MAGI2: variants seen among roughly 807,000 people sequenced by gnomAD.
MAGI2 encodes the protein membrane-associated guanylate kinase, WW and PDZ domain-containing protein 2.
A neutral mutation model predicts 133.3 loss-of-function variants in MAGI2; 35 were observed. That is an observed-to-expected ratio of 0.26 (90% CI 0.20 to 0.35). MAGI2 has a LOEUF of 0.35. MAGI2 is among the 10% of genes least tolerant of loss of function. The probability of loss-of-function intolerance (pLI) is 1.00; values close to 1 mark genes in which losing one functional copy is unlikely to be tolerated. For synonymous variants in MAGI2, 729 were observed against 710.6 expected (o/e 1.03, Z -0.41); for missense variants, 1,636 against 1,863.4 (o/e 0.88, Z 2.25).
At chr7:79,186,685 GTATATATATTTATACAAAAGTATA>G (rs1376677717) in intron 1 of MAGI2, among the ~76,000 whole-genome samples, 29 of 132,298 alleles carry the variant, frequency 2.2e-4, no homozygotes, top group Non-Finnish European at 4.2e-4. Context: ...TTTTATACGA[GTATATATATTTATACAAAAGTATA>G]TATATATATT....
At position 79,177,850 on chromosome 7, in the gene MAGI2, A is replaced by AT. The variant is rs568005018; in HGVS notation, c.302-170645dup. ...TTACCACAAATTGCTATCTTAAGGCATAAGAAAGGTCAGCCACGTTTTGTA... is the reference window on the plus strand; with the variant it reads ...TTACCACAAATTGCTATCTTAAGGCATTAAGAAAGGTCAGCCACGTTTTGTA... On this transcript the variant is annotated intron_variant, in intron 1 of 21. Coordinates refer to ENST00000354212, the MANE Select transcript of MAGI2 (RefSeq NM_012301.4). Among the ~76,000 whole-genome samples, 291 of 152,204 alleles carry AT rather than the reference A, an allele frequency of 1.9e-3. 3 individuals are homozygous for AT. Among genetic ancestry groups the AT allele is most frequent in the Middle Eastern group, 0.01 (3 of 294 alleles).
chr7:78,942,117 A>T (rs998355750), intron 2 of MAGI2, among the ~76,000 whole-genome samples: 16 of 152,190 alleles, frequency 1.1e-4, no homozygotes, highest in African/African-American at 3.9e-4. Context: ...AAAGTCCAGT[A>T]TATTAGCTAC....
intron 9 of MAGI2, among the ~76,000 whole-genome samples, chr7:78,270,884 T>C (rs1239707548): frequency 6.6e-6 from 1 of 152,122 alleles, no homozygotes; most frequent in Non-Finnish European, 1.5e-5. Context: ...GACCACATAA[T>C]TGGAAGTATT....
chr7:79,170,553 T>C (rs1036523428), intron 1 of MAGI2, among the ~76,000 whole-genome samples: 1 of 152,106 alleles, frequency 6.6e-6, no homozygotes, highest in Non-Finnish European at 1.5e-5. Flanking sequence ...ATTCTAATGC[T>C]TTAAATCCAA....
chr7:79,028,230 T>C (rs1810107525), intron 1 of MAGI2, among the ~76,000 whole-genome samples: 1 of 42,558 alleles, frequency 2.3e-5, no homozygotes, highest in African/African-American at 8.5e-5. Context: ...TATATATATA[T>C]GTATGTATAT....
intron 2 of MAGI2, among the ~76,000 whole-genome samples, chr7:78,671,544 G>A (rs1385407738): frequency 1.3e-5 from 2 of 152,054 alleles, no homozygotes; most frequent in Admixed American, 6.6e-5. Flanking sequence ...GTTGATGTGA[G>A]CTTTGCTTCT....
At chr7:78,702,471 T>G (rs1818180519) in intron 2 of MAGI2, among the ~76,000 whole-genome samples, 1 of 152,004 alleles carries the variant, frequency 6.6e-6, no homozygotes, top group Admixed American at 6.6e-5. Context: ...TCATGTTACT[T>G]AACTTTGAAA....
At chr7:79,034,847 C>A (rs1002277794) in intron 1 of MAGI2, among the ~76,000 whole-genome samples, 1 of 152,080 alleles carries the variant, frequency 6.6e-6, no homozygotes, top group East Asian at 1.9e-4. Flanking sequence ...ATGGCAATAA[C>A]AACTGGCAGC....
chr7:78,847,259 T>C (rs1486473020), intron 2 of MAGI2, among the ~76,000 whole-genome samples: 2 of 152,000 alleles, frequency 1.3e-5, no homozygotes, highest in African/African-American at 4.8e-5. Flanking sequence ...AATACAAATA[T>C]GCCTCATACA....
chr7:78,400,561 GA>G (rs2151340566), intron 6 of MAGI2, among the ~76,000 whole-genome samples: 1 of 152,092 alleles, frequency 6.6e-6, no homozygotes, highest in East Asian at 1.9e-4. Context: ...TTTAATAAAA[GA>G]AAAAATGGTC....
Position 78,430,240 on chromosome 7 carries a change from CTTTTTTTTTTTT to C in MAGI2, c.1045+59509_1045+59520del, listed in dbSNP as rs545809101. 5.2e-5 allele frequency among the ~76,000 whole-genome samples: 4 copies of C among 76,644 alleles called. No individual in the cohort carries two copies. The South Asian group carries it at 1.8e-3, about 35-fold the overall frequency. 50.3% of individuals were successfully genotyped at this position (76,644 alleles called of 152,430 possible). On this transcript the variant is annotated intron_variant, in intron 6 of 21. Transcript: ENST00000354212. ...GTATTACTGTCTGTTCTGGAAAAGC[CTTTTTTTTTTTT>C]TTTTTTTTTTTTTAATAAGAGGGGC...
chr7:78,047,345 A>AATC (rs1459557366), intron 21 of MAGI2, among the ~76,000 whole-genome samples: 2 of 152,194 alleles, frequency 1.3e-5, no homozygotes, highest in Non-Finnish European at 2.9e-5. Context: ...AAATGAACAG[A>AATC]ATCATCTCCT....
chr7:78,715,205 T>G (rs907441791), intron 2 of MAGI2, among the ~76,000 whole-genome samples: 1 of 152,116 alleles, frequency 6.6e-6, no homozygotes, highest in Non-Finnish European at 1.5e-5. Context: ...CTATTTTTCT[T>G]CGGTTCCAGT....
chr7:79,028,299 A>ATATATATATATATGTATG (rs1810188968), intron 1 of MAGI2, among the ~76,000 whole-genome samples: 1 of 85,040 alleles, frequency 1.2e-5, no homozygotes, highest in African/African-American at 5.6e-5. Flanking sequence ...ATATGTGTGT[A>ATATATATATATATGTATG]TATATATATA....
At chr7:78,038,891 C>T (rs569892546) in intron 21 of MAGI2, among the ~76,000 whole-genome samples, 23 of 152,342 alleles carry the variant, frequency 1.5e-4, no homozygotes, top group African/African-American at 4.8e-4. Flanking sequence ...ACTCACGTCA[C>T]GTTACCGGCA....
chr7:79,023,672 G>A (rs556406917), intron 1 of MAGI2, among the ~76,000 whole-genome samples: 2 of 152,188 alleles, frequency 1.3e-5, no homozygotes, highest in South Asian at 4.2e-4. Flanking sequence ...AAAATCAGTA[G>A]CATTCCTATA....
chr7:79,146,224 T>C (rs1207692177), intron 1 of MAGI2, among the ~76,000 whole-genome samples: 1 of 152,218 alleles, frequency 6.6e-6, no homozygotes, highest in Non-Finnish European at 1.5e-5. Context: ...GAGAGCAAAA[T>C]TAGCTTTCAG....
chr7:78,317,838 C>A (rs905144388), intron 9 of MAGI2, among the ~76,000 whole-genome samples: 5 of 152,152 alleles, frequency 3.3e-5, no homozygotes, highest in African/African-American at 1.2e-4. Flanking sequence ...TGGTGATACC[C>A]AGGCAAACAG....
At chr7:78,727,106 T>A (rs528089553) in intron 2 of MAGI2, among the ~76,000 whole-genome samples, 1 of 152,326 alleles carries the variant, frequency 6.6e-6, no homozygotes, top group South Asian at 2.1e-4. Flanking sequence ...AATCAATTAA[T>A]GTTCTGACAT....
Sources: gnomAD v4.1 joint callset for allele counts (sites outside exome capture counted in the v4.1 genomes callset) on GRCh38, gnomAD v4.1.1 for gene constraint, MANE v1.5 for transcripts, NCBI Gene and HGNC (gene_info 2026-07-23, HGNC 2026-07-21) for gene names.